Variants in TCF12 observed in about 807,000 individuals in gnomAD.
TCF12 encodes the protein transcription factor 12, also known as DNA-binding protein HTF4.
Under a neutral mutation model 86.0 loss-of-function variants are expected in TCF12, and 45 were observed. That is an observed-to-expected ratio of 0.52 (90% CI 0.41 to 0.67). TCF12 has a LOEUF of 0.67. Ranked by LOEUF, TCF12 falls within the 30% of genes least tolerant of loss-of-function variation. TCF12 has a pLI of 0.00. For synonymous variants in TCF12, 330 were observed against 299.6 expected (o/e 1.10, Z -1.05); for missense variants, 881 against 859.9 (o/e 1.02, Z -0.31).
intron 18 of TCF12, among the ~76,000 whole-genome samples, chr15:57,270,150 G>A (rs773205408): frequency 2.0e-5 from 3 of 152,206 alleles, no homozygotes; most frequent in Non-Finnish European, 4.4e-5. Context: ...CCTGAAGAGT[G>A]TTTTCTAACT....
chr15:57,075,096 G>T (rs1209755946), intron 4 of TCF12, among the ~76,000 whole-genome samples: 1 of 152,116 alleles, frequency 6.6e-6, no homozygotes, highest in African/African-American at 2.4e-5. Context: ...GTTGCTTTGT[G>T]CACGGAGCAG....
chr15:57,249,475 A>G (rs1477874730), intron 13 of TCF12, among the ~76,000 whole-genome samples: 1 of 152,090 alleles, frequency 6.6e-6, no homozygotes, highest in Non-Finnish European at 1.5e-5. Context: ...TTTAAAGTAT[A>G]TTTATGTAAT....
At chr15:56,940,251 C>T (rs1030003008) in intron 3 of TCF12, among the ~76,000 whole-genome samples, 2 of 151,876 alleles carry the variant, frequency 1.3e-5, no homozygotes, top group African/African-American at 4.8e-5. Context: ...AGAAGATAGT[C>T]TTATTTAATG....
rs369269041 is a variant in TCF12 at position 57,253,396 on chromosome 15, T to C, written c.1395T>C (p.Asn465=). ...DIHSLLGPSH[N]APIGSLNSNY... ...ATAGTTTATTGGGACCATCCCATAA[T>C]GCACCAATTGGAAGCCTCAATTCAA... is the stretch of plus-strand genomic sequence containing the variant. Residue 465 remains asparagine (N), a synonymous_variant, in exon 16 of 21, where the codon AAT becomes AAC. Coordinates refer to ENST00000333725, the MANE Select transcript of TCF12 (RefSeq NM_207037.2). 4 of 1,614,024 alleles carry C rather than the reference T, an allele frequency of 2.5e-6. No homozygotes were observed. The African/African-American group carries it at 5.3e-5, about 22-fold the overall frequency.
At chr15:57,073,041 T>G (rs1359560474) in intron 4 of TCF12, among the ~76,000 whole-genome samples, 2 of 152,194 alleles carry the variant, frequency 1.3e-5, no homozygotes, top group African/African-American at 4.8e-5. Flanking sequence ...GTTTCCATTT[T>G]AAGACAATTA....
chr15:57,122,245 T>C (rs2051292239), intron 5 of TCF12, among the ~76,000 whole-genome samples: 1 of 151,986 alleles, frequency 6.6e-6, no homozygotes. Flanking sequence ...TTGCCTTGTG[T>C]TATAGCTTTA....
chr15:57,227,605 G>T (rs570036715), intron 8 of TCF12, among the ~76,000 whole-genome samples: 2 of 152,082 alleles, frequency 1.3e-5, no homozygotes, highest in African/African-American at 2.4e-5. Flanking sequence ...ATGTGATTGC[G>T]TTGTTTTCAA....
chr15:56,920,847 A>G (rs1254650809), intron 2 of TCF12, among the ~76,000 whole-genome samples, 179 bp from the exon 3 acceptor site: 1 of 152,204 alleles, frequency 6.6e-6, no homozygotes, highest in Admixed American at 6.5e-5. Flanking sequence ...ATTATTTCCA[A>G]TTAATTAGGA....
At chr15:57,222,561 A>G (rs1281309179) in intron 8 of TCF12, among the ~76,000 whole-genome samples, 6 of 151,718 alleles carry the variant, frequency 4.0e-5, no homozygotes, top group Admixed American at 2.0e-4. Context: ...AACTAAAACT[A>G]TTTTGCACCT....
chr15:57,177,447 T>A (rs1488138544), intron 6 of TCF12, among the ~76,000 whole-genome samples: 1 of 151,830 alleles, frequency 6.6e-6, no homozygotes, highest in East Asian at 1.9e-4. Flanking sequence ...CTTTTTGTAT[T>A]TTCGGTAGAG....
intron 8 of TCF12, among the ~76,000 whole-genome samples, chr15:57,211,955 TACACACACACGCACACACACACACC>T (rs1310677260): frequency 1.0e-5 from 1 of 96,692 alleles, no homozygotes; most frequent in Non-Finnish European, 2.2e-5. Flanking sequence ...CTTTGAGACA[TACACACACACGCACACACACACACC>T]ACACACACAC....
chr15:57,282,323 C>G (rs1597899744), intron 19 of TCF12, 122 bp from the exon 20 acceptor site: 1 of 1,168,684 alleles, frequency 8.6e-7, no homozygotes, highest in Non-Finnish European at 1.2e-6. Context: ...CACATTGTTT[C>G]TTCTATGTGA....
chr15:57,279,884 C>CTTTTT (rs34752903), intron 19 of TCF12, among the ~76,000 whole-genome samples: 22 of 98,282 alleles, frequency 2.2e-4, no homozygotes, highest in African/African-American at 6.5e-4. Context: ...CACAGTCTCA[C>CTTTTT]TTTTTTTTTT....
chr15:56,977,387 G>A (rs1369112267), intron 3 of TCF12, among the ~76,000 whole-genome samples: 1 of 152,062 alleles, frequency 6.6e-6, no homozygotes, highest in African/African-American at 2.4e-5. Flanking sequence ...ATAACAAGTA[G>A]CCAAGAGTGA....
At chr15:57,034,632 C>T (rs906990204) in intron 3 of TCF12, among the ~76,000 whole-genome samples, 1 of 151,986 alleles carries the variant, frequency 6.6e-6, no homozygotes, top group African/African-American at 2.4e-5. Flanking sequence ...TTTAAAAGTA[C>T]TCTCATATCT....
At chr15:56,965,592 TAATA>T (rs1303802676) in intron 3 of TCF12, among the ~76,000 whole-genome samples, 3 of 152,184 alleles carry the variant, frequency 2.0e-5, no homozygotes, top group Non-Finnish European at 4.4e-5. Context: ...CTGGAAATGG[TAATA>T]AATATTCATT....
intron 3 of TCF12, among the ~76,000 whole-genome samples, chr15:57,045,528 T>A (rs1212413322): frequency 1.3e-5 from 2 of 152,054 alleles, no homozygotes; most frequent in African/African-American, 4.8e-5. Flanking sequence ...GATTTTTTTT[T>A]ATTTGTTTGC....
At chr15:57,285,988 A>G (rs115155138) in intron 20 of TCF12, among the ~76,000 whole-genome samples, 169 bp from the exon 21 acceptor site, 233 of 152,362 alleles carry the variant, frequency 1.5e-3, no homozygotes, top group African/African-American at 5.5e-3. Context: ...AGTATACCTT[A>G]AAAGGAAAAA....
Position 57,262,205 on chromosome 15 carries a change from A to G in TCF12, c.1579A>G (p.Arg527Gly). 1 of 1,597,560 alleles carries G rather than the reference A, an allele frequency of 6.3e-7. No individual in the cohort carries two copies. Among genetic ancestry groups the G allele is most frequent in the Non-Finnish European group, 8.6e-7 (1 of 1,166,232 alleles). Reference protein sequence around the residue: ...DLNHKTQENYRGGLQSQSGTV... With the variant: ...DLNHKTQENYGGGLQSQSGTV... ...GAACCATAAAACACAAGAAAATTATAGAGGTAACTATATTGTTGGTTTTCA... is the reference window on the plus strand; with the variant it reads ...GAACCATAAAACACAAGAAAATTATGGAGGTAACTATATTGTTGGTTTTCA... Residue 527 changes from arginine (R) to glycine (G), a missense_variant, in exon 17 of 21, where the codon AGA becomes GGA. By Grantham distance (125) the Arg-to-Gly change is moderately radical. Coordinates refer to ENST00000333725, the MANE Select transcript of TCF12 (RefSeq NM_207037.2).
Sources: gnomAD v4.1 joint callset for allele counts (sites outside exome capture counted in the v4.1 genomes callset) on GRCh38, gnomAD v4.1.1 for gene constraint, MANE v1.5 for transcripts, NCBI Gene and HGNC (gene_info 2026-07-23, HGNC 2026-07-21) for gene names.